MTCL3: variants seen among roughly 807,000 people sequenced by gnomAD.
The protein encoded by MTCL3 is MTCL family member 3, also known as microtubule cross-linking factor 3.
At chr6:127,479,015 T>TAAAAA in the MTCL3 span, among the ~76,000 whole-genome samples, 3 of 52,314 alleles carry the variant, frequency 5.7e-5, no homozygotes, top group African/African-American at 1.5e-4. Context: ...AGACTCCATC[T>TAAAAA]AAAAAAAAAA....
the MTCL3 span, among the ~76,000 whole-genome samples, chr6:127,498,321 C>A: frequency 1.3e-5 from 2 of 151,936 alleles, no homozygotes; most frequent in African/African-American, 2.4e-5. Context: ...TATGAGTGCA[C>A]AATAAGCAGA....
At chr6:127,517,590 G>C in the MTCL3 span, 9 of 152,090 alleles carry the variant, frequency 5.9e-5, no homozygotes, top group Non-Finnish European at 1.2e-4. Flanking sequence ...TTCATTCTTA[G>C]CCATCTTCTT....
the MTCL3 span, chr6:127,516,316 C>T: frequency 5.0e-6 from 8 of 1,589,486 alleles, no homozygotes; most frequent in Non-Finnish European, 6.8e-6. Context: ...CTCGGCCCCA[C>T]CTCCGCCTCC....
the MTCL3 span, among the ~76,000 whole-genome samples, chr6:127,489,280 A>G: frequency 6.6e-6 from 1 of 152,190 alleles, no homozygotes; most frequent in East Asian, 1.9e-4. Context: ...TGCTCCACCA[A>G]CTGGCTGTTC....
At chr6:127,500,610 T>C in the MTCL3 span, among the ~76,000 whole-genome samples, 1 of 151,830 alleles carries the variant, frequency 6.6e-6, no homozygotes, top group East Asian at 1.9e-4. Flanking sequence ...GTTGTACAGA[T>C]TATTTTATCA....
At chr6:127,511,168 T>C in the MTCL3 span, among the ~76,000 whole-genome samples, 1 of 152,220 alleles carries the variant, frequency 6.6e-6, no homozygotes, top group Admixed American at 6.5e-5. Context: ...CTGGAACATA[T>C]CCTGCCTTCG....
the MTCL3 span, chr6:127,516,211 A>T: frequency 4.2e-6 from 6 of 1,432,442 alleles, no homozygotes; most frequent in Non-Finnish European, 5.4e-6. Context: ...CCTGCCGCCC[A>T]AAGCGGCCAG....
the MTCL3 span, among the ~76,000 whole-genome samples, chr6:127,490,833 A>C: frequency 6.6e-6 from 1 of 152,122 alleles, no homozygotes; most frequent in African/African-American, 2.4e-5. Flanking sequence ...ACAAACAAAC[A>C]AACAAAAACA....
At chr6:127,515,684 T>A in the MTCL3 span, 3 of 1,538,530 alleles carry the variant, frequency 1.9e-6, no homozygotes, top group Non-Finnish European at 1.7e-6. The surrounding 1 kb of genome is among the most constrained non-coding windows in gnomAD (Gnocchi z 4.3). Context: ...GCCGCCGCCA[T>A]TGGGGAGGCG....
the MTCL3 span, among the ~76,000 whole-genome samples, chr6:127,509,170 C>T: frequency 2.0e-5 from 3 of 152,178 alleles, no homozygotes; most frequent in East Asian, 1.9e-4. Flanking sequence ...TATTAAGATT[C>T]GAAGGCAGCA....
At chr6:127,476,523 G>C in the MTCL3 span, 2 of 1,410,940 alleles carry the variant, frequency 1.4e-6, no homozygotes, top group Non-Finnish European at 9.5e-7. The surrounding 1 kb of genome is among the most constrained non-coding windows in gnomAD (Gnocchi z 4.4). Flanking sequence ...TGTAAATCAA[G>C]GAAACAACCA....
chr6:127,503,782 T>A, the MTCL3 span, among the ~76,000 whole-genome samples: 1 of 152,090 alleles, frequency 6.6e-6, no homozygotes, highest in Non-Finnish European at 1.5e-5. Context: ...GGAAGTGGGG[T>A]GAGGCTGGAG....
At chr6:127,516,653 T>C in the MTCL3 span, 23 of 1,571,830 alleles carry the variant, frequency 1.5e-5, no homozygotes, top group Middle Eastern at 3.3e-4. Flanking sequence ...AAGAGCCCAT[T>C]ACTAGATCAT....
the MTCL3 span, among the ~76,000 whole-genome samples, chr6:127,499,662 C>A: frequency 6.6e-6 from 1 of 152,272 alleles, no homozygotes; most frequent in African/African-American, 2.4e-5. Context: ...TATTTCTGAA[C>A]CGGGTATTCT....
the MTCL3 span, chr6:127,515,380 C>T: frequency 1.1e-6 from 1 of 885,766 alleles, no homozygotes; most frequent in African/African-American, 1.7e-5. This position sits in a 1 kb window ranked among gnomAD's most constrained non-coding sequence, Gnocchi z 4.3. Context: ...GAAACCCCCT[C>T]CCTCCTTTCT....
the MTCL3 span, among the ~76,000 whole-genome samples, chr6:127,488,983 A>G: frequency 9.8e-5 from 15 of 152,334 alleles, no homozygotes; most frequent in African/African-American, 3.6e-4. Flanking sequence ...ATTGAGCTTC[A>G]CTGTATTGTA....
At chr6:127,513,106 A>G in the MTCL3 span, 1 of 1,447,418 alleles carries the variant, frequency 6.9e-7, no homozygotes, top group Non-Finnish European at 9.3e-7. Context: ...AATAAGGGCT[A>G]AAATTGTATT....
the MTCL3 span, among the ~76,000 whole-genome samples, chr6:127,486,423 A>G: frequency 1.2e-4 from 19 of 152,274 alleles, no homozygotes; most frequent in Admixed American, 2.0e-4. Context: ...ATGGATACAG[A>G]AAGTTAGAGA....
chr6:127,496,402 TAA>T, the MTCL3 span, among the ~76,000 whole-genome samples: 4 of 152,190 alleles, frequency 2.6e-5, no homozygotes, highest in African/African-American at 9.7e-5. Flanking sequence ...AATTTTTTTT[TAA>T]AAATAACATC....
Sources: gnomAD v4.1 joint callset for allele counts (sites outside exome capture counted in the v4.1 genomes callset) on GRCh38, gnomAD v4.1.1 for gene constraint, Gnocchi (gnomAD v3.1) non-coding constraint, MANE v1.5 for transcripts, NCBI Gene and HGNC (gene_info 2026-07-23, HGNC 2026-07-21) for gene names.